Variants in NKAIN2 observed in about 807,000 individuals in gnomAD.
NKAIN2 encodes the protein sodium/potassium-transporting ATPase subunit beta-1-interacting protein 2.
In NKAIN2, 14 loss-of-function variants were observed where a neutral mutation model predicts 32.6. That is an observed-to-expected ratio of 0.43 (90% CI 0.28 to 0.67). The LOEUF (loss-of-function observed/expected upper bound fraction) is 0.67, where lower values mean the gene tolerates loss of function less well. Among genes scored for constraint, NKAIN2 ranks in the 30% least tolerant of loss-of-function variants. NKAIN2 has a pLI of 0.17. For missense variants in NKAIN2, 198 were observed against 258.3 expected (o/e 0.77, Z 1.60); for synonymous variants, 80 against 87.2 (o/e 0.92, Z 0.46).
intron 1 of NKAIN2, among the ~76,000 whole-genome samples, chr6:123,975,499 G>A (rs75959159): frequency 0.026 from 3,994 of 152,188 alleles, 155 homozygotes; most frequent in African/African-American, 0.088. Context: ...ATGTATTGGG[G>A]TTCTCCAGAG....
chr6:124,048,661 C>T (rs946036564), intron 1 of NKAIN2, among the ~76,000 whole-genome samples: 9 of 151,942 alleles, frequency 5.9e-5, no homozygotes, highest in African/African-American at 1.9e-4. Context: ...AAATGCCTTC[C>T]AGGATTTAAA....
At chr6:124,199,353 G>A (rs1406965312) in intron 1 of NKAIN2, among the ~76,000 whole-genome samples, 1 of 152,178 alleles carries the variant, frequency 6.6e-6, no homozygotes, top group African/African-American at 2.4e-5. Context: ...TCTGGCTGCA[G>A]TCCCATGTCC....
intron 1 of NKAIN2, among the ~76,000 whole-genome samples, chr6:123,968,290 T>A (rs891969025): frequency 3.3e-5 from 5 of 151,980 alleles, no homozygotes; most frequent in African/African-American, 1.2e-4. Context: ...CTCATGCCCT[T>A]CAATTAATCA....
chr6:124,189,868 A>G lies in NKAIN2; in HGVS notation c.55-93137A>G, dbSNP rs183002726. ...ATTGTTCTCCCAACTCAGACATAGAAAAACAGAATGTCAGGAACACAATGA... is the reference window on the plus strand; with the variant it reads ...ATTGTTCTCCCAACTCAGACATAGAGAAACAGAATGTCAGGAACACAATGA... On this transcript the variant is annotated intron_variant, in intron 1 of 6. Transcript: ENST00000368417. Among the ~76,000 whole-genome samples the G allele has an allele frequency of 1.1e-3, 173 of 152,320 alleles. 1 individual carries two copies. The highest frequency in any genetic ancestry group is 3.7e-3 in the African/African-American group (154 of 41,580).
chr6:124,363,049 G>A (rs1799360532), intron 3 of NKAIN2, among the ~76,000 whole-genome samples: 3 of 152,002 alleles, frequency 2.0e-5, no homozygotes. Context: ...TCGCCAGGCT[G>A]GTCTGGAACT....
chr6:124,570,717 C>T (rs1781094461), intron 3 of NKAIN2, among the ~76,000 whole-genome samples: 1 of 152,248 alleles, frequency 6.6e-6, no homozygotes, highest in Admixed American at 6.5e-5. Flanking sequence ...TGGAGAACCT[C>T]TGCTAGGGCA....
intron 1 of NKAIN2, among the ~76,000 whole-genome samples, chr6:124,110,022 G>A (rs1785302985): frequency 6.6e-6 from 1 of 151,518 alleles, no homozygotes; most frequent in African/African-American, 2.4e-5. Context: ...GAAAATTTTT[G>A]CATCTATATC....
At chr6:124,487,613 T>A (rs910458903) in intron 3 of NKAIN2, among the ~76,000 whole-genome samples, 6 of 152,178 alleles carry the variant, frequency 3.9e-5, no homozygotes, top group Admixed American at 6.6e-5. Context: ...TAGTAACTTT[T>A]TATAAAAAAG....
intron 3 of NKAIN2, among the ~76,000 whole-genome samples, chr6:124,392,178 C>T (rs1562150999): frequency 1.3e-5 from 2 of 151,798 alleles, no homozygotes; most frequent in Non-Finnish European, 1.5e-5. Context: ...TTTTTTATTT[C>T]TCATTGTTTT....
intron 1 of NKAIN2, among the ~76,000 whole-genome samples, chr6:124,266,515 G>T (rs1794500658): frequency 6.6e-6 from 1 of 152,080 alleles, no homozygotes; most frequent in African/African-American, 2.4e-5. Context: ...CTGAGCTCTA[G>T]TGATTCACCC....
At chr6:124,325,206 C>T (rs968093163) in intron 2 of NKAIN2, among the ~76,000 whole-genome samples, 2 of 151,940 alleles carry the variant, frequency 1.3e-5, no homozygotes, top group African/African-American at 4.8e-5. Context: ...GAGAATTGCA[C>T]CAAAGGTTCA....
intron 1 of NKAIN2, among the ~76,000 whole-genome samples, chr6:123,891,342 G>C (rs947051458): frequency 6.6e-6 from 1 of 152,116 alleles, no homozygotes; most frequent in Non-Finnish European, 1.5e-5. Context: ...TATATCTTAC[G>C]TCTATTTTAC....
chr6:124,139,063 AC>A (rs1249747489), intron 1 of NKAIN2, among the ~76,000 whole-genome samples: 1 of 145,952 alleles, frequency 6.9e-6, no homozygotes, highest in Non-Finnish European at 1.5e-5. Flanking sequence ...TTCCCCAAAA[AC>A]TTTTTTAAAT....
intron 1 of NKAIN2, among the ~76,000 whole-genome samples, chr6:124,066,327 A>G (rs977527576): frequency 6.6e-6 from 1 of 152,166 alleles, no homozygotes; most frequent in African/African-American, 2.4e-5. Context: ...CATGTTATCA[A>G]GCATTGCACC....
At chr6:124,340,254 C>T (rs1798061529) in intron 2 of NKAIN2, among the ~76,000 whole-genome samples, 1 of 152,024 alleles carries the variant, frequency 6.6e-6, no homozygotes. Context: ...TCTTATTATT[C>T]ATCATTTTGA....
chr6:124,783,897 T>G (rs1359763814), intron 4 of NKAIN2, among the ~76,000 whole-genome samples: 4 of 152,194 alleles, frequency 2.6e-5, no homozygotes, highest in Non-Finnish European at 4.4e-5. Context: ...CTATGAATTA[T>G]GAATTCAGAA....
chr6:124,727,266 A>T (rs1317184750), intron 4 of NKAIN2, among the ~76,000 whole-genome samples: 1 of 151,986 alleles, frequency 6.6e-6, no homozygotes, highest in Non-Finnish European at 1.5e-5. Flanking sequence ...CAGATTCACC[A>T]AAGTTGAAAT....
chr6:124,239,269 A>G (rs1468954050), intron 1 of NKAIN2, among the ~76,000 whole-genome samples: 1 of 152,188 alleles, frequency 6.6e-6, no homozygotes, highest in Non-Finnish European at 1.5e-5. Flanking sequence ...TTAGAGATGT[A>G]CAAAGAGCCT....
At chr6:123,926,428 G>A (rs920449949) in intron 1 of NKAIN2, among the ~76,000 whole-genome samples, 2 of 151,828 alleles carry the variant, frequency 1.3e-5, no homozygotes, top group Non-Finnish European at 1.5e-5. Context: ...CCAGATTCCC[G>A]CTGCAGTGTT....
Sources: allele counts gnomAD v4.1 joint callset (sites outside exome capture counted in the v4.1 genomes callset), GRCh38; gene constraint gnomAD v4.1.1; transcripts MANE v1.5; gene names NCBI Gene and HGNC (gene_info 2026-07-23, HGNC 2026-07-21).